Variants in DNAI7 observed in about 807,000 individuals in gnomAD.
DNAI7 encodes the protein dynein axonemal intermediate chain 7, also known as cancer susceptibility 1.
In DNAI7, 78 loss-of-function variants were observed where a neutral mutation model predicts 86.6. The ratio of observed to expected loss-of-function variants is 0.90; its 90% confidence interval spans 0.75 to 1.09. The LOEUF is 1.09. Among genes scored for constraint, DNAI7 ranks in the 50% least tolerant of loss-of-function variants. DNAI7 has a pLI of 0.00. For missense variants in DNAI7, 753 were observed against 810.2 expected, an observed-to-expected ratio of 0.93 and a Z score of 0.86; for synonymous variants, 274 against 273.0, an observed-to-expected ratio of 1.00 and a Z score of -0.04.
At chr12:25,153,720 C>G (rs923949391) in intron 6 of DNAI7, among the ~76,000 whole-genome samples, 3 of 152,140 alleles carry the variant, frequency 2.0e-5, no homozygotes, top group Admixed American at 6.5e-5. Flanking sequence ...TCAAGACCTT[C>G]TTACTTTCTG....
At chr12:25,177,815 G>A (rs1373381821) in intron 2 of DNAI7, among the ~76,000 whole-genome samples, 2 of 152,076 alleles carry the variant, frequency 1.3e-5, no homozygotes, top group Non-Finnish European at 2.9e-5. Flanking sequence ...GCTAATTTCA[G>A]CACTTTTGCT....
At chr12:25,164,617 T>C (rs1019226349) in intron 2 of DNAI7, among the ~76,000 whole-genome samples, 1 of 152,110 alleles carries the variant, frequency 6.6e-6, no homozygotes, top group South Asian at 2.1e-4. Flanking sequence ...TGTCACAAAA[T>C]AGGCAAACGG....
chr12:25,174,738 AAT>A (rs1373174166), intron 2 of DNAI7, among the ~76,000 whole-genome samples: 1 of 142,296 alleles, frequency 7.0e-6, no homozygotes, highest in Non-Finnish European at 1.5e-5. Flanking sequence ...ATATATATGG[AAT>A]ATATATATCA....
chr12:25,133,698 A>T (rs937092383), intron 9 of DNAI7, among the ~76,000 whole-genome samples: 7 of 152,210 alleles, frequency 4.6e-5, no homozygotes, highest in Non-Finnish European at 7.3e-5. Context: ...TAGAGCACAG[A>T]TACATAAGCA....
At chr12:25,123,583 T>A (rs1475568758) in intron 9 of DNAI7, among the ~76,000 whole-genome samples, 3 of 152,210 alleles carry the variant, frequency 2.0e-5, no homozygotes, top group Non-Finnish European at 4.4e-5. Context: ...AAATATTATT[T>A]ATATTTGCAT....
At chr12:25,137,595 GAAC>G (rs955466128) in intron 9 of DNAI7, among the ~76,000 whole-genome samples, 2 of 152,080 alleles carry the variant, frequency 1.3e-5, no homozygotes, top group African/African-American at 4.8e-5. Context: ...AAAAGATACA[GAAC>G]CACAGAATGG....
intron 10 of DNAI7, among the ~76,000 whole-genome samples, chr12:25,122,915 C>T (rs773121803): frequency 2.6e-5 from 4 of 152,168 alleles, no homozygotes; most frequent in Non-Finnish European, 5.9e-5. Flanking sequence ...TATTCATTTA[C>T]ATGAAATATA....
chr12:25,144,709 G>A (rs1944612076), intron 8 of DNAI7, 32 bp from the exon 9 acceptor site: 2 of 1,518,034 alleles, frequency 1.3e-6, no homozygotes, highest in Non-Finnish European at 1.8e-6. Context: ...AAAAAAAGAT[G>A]AGACCCTAGG....
chr12:25,117,708 C>T (rs1313803794), intron 12 of DNAI7, among the ~76,000 whole-genome samples: 1 of 152,004 alleles, frequency 6.6e-6, no homozygotes, highest in East Asian at 1.9e-4. Context: ...AATAATGTCC[C>T]ATGGCTCAAA....
chr12:25,167,938 G>A (rs562707372), intron 2 of DNAI7, among the ~76,000 whole-genome samples: 4 of 152,050 alleles, frequency 2.6e-5, no homozygotes, highest in East Asian at 3.9e-4. Context: ...TCACCTTCTC[G>A]ATGTTCCTTT....
At chr12:25,157,889 T>A (rs114054625) in intron 4 of DNAI7, among the ~76,000 whole-genome samples, 1,534 of 152,118 alleles carry the variant, frequency 0.01, 31 homozygotes, top group African/African-American at 0.035. Flanking sequence ...GATTCATGTA[T>A]GCTTAAAGGT....
chr12:25,195,115 G>C lies in DNAI7; in HGVS notation c.-37C>G, dbSNP rs1165687589. The C allele has an allele frequency of 1.9e-6, 3 of 1,608,536 alleles. No individual in the cohort carries two copies. The highest frequency in any genetic ancestry group is 1.1e-5 in the South Asian group (1 of 90,974). On this transcript the variant is annotated 5_prime_UTR_variant, in exon 1 of 16. Transcript: ENST00000395987. ...CTCCACTGCAGTAGTCCGCAGAGTC[G>C]GAGCAGAAATTGTGTGGACAAACGC...
intron 9 of DNAI7, among the ~76,000 whole-genome samples, chr12:25,134,095 G>A (rs1420688489): frequency 6.6e-6 from 1 of 151,998 alleles, no homozygotes; most frequent in Non-Finnish European, 1.5e-5. Flanking sequence ...CCTGGGCTCA[G>A]GCAATCCTCT....
At position 25,118,263 on chromosome 12, in the gene DNAI7, GTTTGT is replaced by G. The variant is rs201498085; in HGVS notation, c.1396+877_1396+881del. Reference sequence around the variant, plus strand: ...TTAATATTTTCATTCATTTTTGCCTGTTTGTTTTGTTTTGTTTTGAGACACAGTCT... The same window carrying G: ...TTAATATTTTCATTCATTTTTGCCTGTTTGTTTTGTTTTGAGACACAGTCT... On this transcript the variant is annotated intron_variant, in intron 12 of 15. Coordinates refer to ENST00000395987, the MANE Select transcript of DNAI7 (RefSeq NM_018272.5). 1.5e-3 allele frequency among the ~76,000 whole-genome samples: 221 copies of G among 150,598 alleles called. 5 individuals carry two copies. In the East Asian group the frequency reaches 0.027, roughly 19 times the overall value.
At chr12:25,144,081 A>G (rs1944524934) in intron 9 of DNAI7, among the ~76,000 whole-genome samples, 1 of 152,210 alleles carries the variant, frequency 6.6e-6, no homozygotes, top group African/African-American at 2.4e-5. Flanking sequence ...TATATAATAA[A>G]TATACAAAAA....
chr12:25,154,290 A>C, intron 6 of DNAI7, 29 bp downstream of exon 6: 3 of 1,556,416 alleles, frequency 1.9e-6, no homozygotes, highest in Non-Finnish European at 2.6e-6. Flanking sequence ...TGTAATAGCC[A>C]GTTTATAGGA....
intron 7 of DNAI7, among the ~76,000 whole-genome samples, chr12:25,148,961 C>T (rs539957001): frequency 6.6e-6 from 1 of 152,094 alleles, no homozygotes; most frequent in South Asian, 2.1e-4. Flanking sequence ...TCAGATATAA[C>T]ATTATAGTTT....
chr12:25,182,347 CAAAA>C (rs1172587693), intron 2 of DNAI7, among the ~76,000 whole-genome samples: 12 of 63,242 alleles, frequency 1.9e-4, no homozygotes, highest in Non-Finnish European at 3.3e-4. Context: ...AACTTCATCT[CAAAA>C]AAAAAAAAAA....
At chr12:25,120,294 A>G (rs548808837) in intron 11 of DNAI7, among the ~76,000 whole-genome samples, 2 of 94,890 alleles carry the variant, frequency 2.1e-5, no homozygotes, top group East Asian at 6.9e-4. Flanking sequence ...AGAGGGTGAG[A>G]AGAGAGAGAG....
Sources: allele counts gnomAD v4.1 joint callset (sites outside exome capture counted in the v4.1 genomes callset), GRCh38; gene constraint gnomAD v4.1.1; transcripts MANE v1.5; gene names NCBI Gene and HGNC (gene_info 2026-07-23, HGNC 2026-07-21).